Variants in MORC1 observed in about 807,000 individuals in gnomAD.
MORC1 encodes the protein MORC family CW-type zinc finger 1.
In MORC1, 59 loss-of-function variants were observed where a neutral mutation model predicts 134.9. That is an observed-to-expected ratio of 0.44 (90% CI 0.35 to 0.54). The LOEUF (loss-of-function observed/expected upper bound fraction) is 0.54, where lower values mean the gene tolerates loss of function less well. MORC1 is among the 20% of genes least tolerant of loss of function. MORC1 has a pLI of 0.00. For missense variants in MORC1, 947 were observed against 1,134.5 expected (o/e 0.83, Z 2.37); for synonymous variants, 395 against 391.7 (o/e 1.01, Z -0.10).
intron 24 of MORC1, 38 bp from the exon 25 acceptor site, chr3:108,971,440 G>A (rs1947377350): frequency 6.4e-7 from 1 of 1,552,570 alleles, no homozygotes; most frequent in Admixed American, 1.7e-5. Flanking sequence ...GAATATACTA[G>A]GATAACAGAG....
intron 8 of MORC1, among the ~76,000 whole-genome samples, chr3:109,092,267 A>G (rs1282816095): frequency 6.6e-6 from 1 of 152,200 alleles, no homozygotes; most frequent in Non-Finnish European, 1.5e-5. Context: ...ATTTATGTGT[A>G]TATTAGGAAT....
intron 9 of MORC1, 27 bp downstream of exon 9, chr3:109,069,605 G>T: frequency 6.5e-7 from 1 of 1,542,762 alleles, no homozygotes. Flanking sequence ...AAAACTCTGT[G>T]AAGATAACTG....
At chr3:109,060,290 T>G (rs1950050396) in intron 11 of MORC1, among the ~76,000 whole-genome samples, 2 of 152,152 alleles carry the variant, frequency 1.3e-5, no homozygotes, top group South Asian at 4.2e-4. Flanking sequence ...TTGAGAAATT[T>G]TGTTAGTAGC....
chr3:109,058,170 T>A (rs1313338530), intron 12 of MORC1, among the ~76,000 whole-genome samples: 2 of 152,268 alleles, frequency 1.3e-5, no homozygotes, highest in African/African-American at 4.8e-5. Flanking sequence ...CTGGAAGCTA[T>A]GAAAATGCCT....
rs1211429395 is a variant in MORC1 at position 108,986,865 on chromosome 3, C to G, written c.2257+15G>C. On this transcript the variant is annotated intron_variant, in intron 22 of 27. Coordinates refer to ENST00000232603, the MANE Select transcript of MORC1 (RefSeq NM_014429.4). Reference sequence around the variant, plus strand: ...TAGCTAATATATATATATACATGAGCTGATTTTTTTTTACCTTGGTTTAAA... The same window carrying G: ...TAGCTAATATATATATATACATGAGGTGATTTTTTTTTACCTTGGTTTAAA... The G allele has an allele frequency of 2.8e-6, 4 of 1,411,842 alleles. No individual in the cohort carries two copies. In the South Asian group the frequency reaches 3.9e-5, roughly 14 times the overall value. The allele number at this position is 1,411,842 out of a possible 1,614,324, so 87.5% of individuals were successfully genotyped here.
At chr3:108,996,308 A>ACACACACACACAC (rs1553745343) in intron 21 of MORC1, among the ~76,000 whole-genome samples, 5 of 151,322 alleles carry the variant, frequency 3.3e-5, no homozygotes, top group South Asian at 2.1e-4. Flanking sequence ...ACACACACAC[A>ACACACACACACAC]ACTAGAATTT....
chr3:108,986,970 T>C (rs774444406), intron 21 of MORC1, 21 bp from the exon 22 acceptor site: 6 of 1,541,772 alleles, frequency 3.9e-6, no homozygotes, highest in Non-Finnish European at 5.2e-6. Flanking sequence ...AGCTCTTTAT[T>C]TAAAACTGTA....
chr3:109,082,354 C>A (rs1405954667), intron 8 of MORC1, among the ~76,000 whole-genome samples: 2 of 151,624 alleles, frequency 1.3e-5, no homozygotes, highest in Admixed American at 6.6e-5. Flanking sequence ...TGGGAGAGGT[C>A]ATTAATCCTT....
intron 9 of MORC1, among the ~76,000 whole-genome samples, chr3:109,066,074 T>C (rs1215273741): frequency 1.3e-5 from 2 of 152,056 alleles, no homozygotes; most frequent in African/African-American, 4.8e-5. Flanking sequence ...TTGGGTACCA[T>C]GCTCATTAGC....
chr3:108,978,019 A>G (rs906321248), intron 24 of MORC1, among the ~76,000 whole-genome samples: 6 of 152,102 alleles, frequency 3.9e-5, no homozygotes, highest in African/African-American at 1.4e-4. Context: ...CTGGGACTAC[A>G]GGCGCCTGCC....
At chr3:109,075,648 A>G (rs1301277691) in intron 8 of MORC1, among the ~76,000 whole-genome samples, 1 of 151,956 alleles carries the variant, frequency 6.6e-6, no homozygotes, top group African/African-American at 2.4e-5. Flanking sequence ...GTTCTGTTCC[A>G]CTGGTCTATA....
intron 20 of MORC1, 93 bp from the exon 21 acceptor site, chr3:109,000,751 A>C: frequency 1.1e-6 from 1 of 902,626 alleles, no homozygotes; most frequent in Admixed American, 2.3e-5. Flanking sequence ...GCCTCTACTT[A>C]CTGCAGACTT....
intron 18 of MORC1, among the ~76,000 whole-genome samples, chr3:109,005,915 C>T (rs1243048985): frequency 6.6e-6 from 1 of 152,142 alleles, no homozygotes; most frequent in Non-Finnish European, 1.5e-5. Context: ...GTGCTGAGGG[C>T]TCAACGAAAC....
intron 14 of MORC1, among the ~76,000 whole-genome samples, chr3:109,045,201 C>A (rs890458930): frequency 6.6e-6 from 1 of 152,144 alleles, no homozygotes; most frequent in African/African-American, 2.4e-5. Context: ...TCAGGTGGTT[C>A]TGCATCTAAA....
intron 14 of MORC1, among the ~76,000 whole-genome samples, chr3:109,049,466 G>A (rs140572084): frequency 6.6e-6 from 1 of 152,184 alleles, no homozygotes; most frequent in Non-Finnish European, 1.5e-5. Flanking sequence ...TTTACATGAA[G>A]TCATAGAGAA....
chr3:109,117,987 G>A lies in MORC1; in HGVS notation c.65+8C>T, dbSNP rs768450992. On this transcript the variant is annotated splice_region_variant and intron_variant, in intron 1 of 27. Coordinates refer to ENST00000232603, the MANE Select transcript of MORC1 (RefSeq NM_014429.4). ...CCTCCCCGACCCCGACCCCACCTCG[G>A]CACTCACGAGTTGGCGTGGATGAAA... is the stretch of plus-strand genomic sequence containing the variant. 12 of 1,592,054 alleles carry A rather than the reference G, an allele frequency of 7.5e-6. No individual in the cohort carries two copies. The highest frequency in any genetic ancestry group is 1.0e-5 in the Non-Finnish European group (12 of 1,169,062).
chr3:108,979,980 T>G (rs936759369), intron 23 of MORC1, among the ~76,000 whole-genome samples: 1 of 152,146 alleles, frequency 6.6e-6, no homozygotes, highest in African/African-American at 2.4e-5. Context: ...TTAAACCTGT[T>G]AAACAACTAT....
intron 15 of MORC1, among the ~76,000 whole-genome samples, chr3:109,033,286 G>GAGGAAGGAAGGAAAGA (rs1949282067): frequency 7.3e-6 from 1 of 136,918 alleles, no homozygotes; most frequent in Admixed American, 7.3e-5. Flanking sequence ...AGCAAGAAAG[G>GAGGAAGGAAGGAAAGA]AGGAAGGAAG....
At chr3:109,040,077 C>G (rs1949473422) in intron 14 of MORC1, among the ~76,000 whole-genome samples, 1 of 151,612 alleles carries the variant, frequency 6.6e-6, no homozygotes, top group Non-Finnish European at 1.5e-5. Context: ...CTGATCTGCA[C>G]AGAGAGAGCC....
Sources: allele counts gnomAD v4.1 joint callset (sites outside exome capture counted in the v4.1 genomes callset), GRCh38; gene constraint gnomAD v4.1.1; transcripts MANE v1.5; gene names NCBI Gene and HGNC (gene_info 2026-07-23, HGNC 2026-07-21).